The following HACD4 variants were observed in gnomAD, a reference collection of about 807,000 sequenced individuals.
The protein encoded by HACD4 is very-long-chain (3R)-3-hydroxyacyl-CoA dehydratase 4.
HACD4 carries 35 observed loss-of-function variants against 33.3 expected under a neutral mutation model. The observed-to-expected ratio is 1.05, with a 90% CI of 0.80 to 1.39. The LOEUF (loss-of-function observed/expected upper bound fraction) is 1.39. Among genes scored for constraint, HACD4 ranks in the 40% most tolerant of loss-of-function variants. The pLI is 0.00. For missense variants in HACD4, 323 were observed against 276.5 expected (o/e 1.17, Z -1.19); for synonymous variants, 118 against 98.0 (o/e 1.20, Z -1.21).
intron 1 of HACD4, 114 bp downstream of exon 1, chr9:21,031,439 G>A: frequency 7.4e-7 from 1 of 1,343,342 alleles, no homozygotes; most frequent in Non-Finnish European, 9.5e-7. Context: ...CGGTAGCGCT[G>A]CGCCTTGCTG....
chr9:21,013,037 A>AG (rs993685321), intron 4 of HACD4, among the ~76,000 whole-genome samples: 4 of 150,392 alleles, frequency 2.7e-5, no homozygotes, highest in African/African-American at 9.8e-5. Context: ...ACTGGACTCC[A>AG]GCCTGGGTGA....
Position 21,031,594 on chromosome 9 carries a change from C to G in HACD4, c.-4G>C. ...CGGGCAGCGCCAAGGGCCCCATGGG[C>G]CGCCGCCGCCAGGGCTTCCAGCGCG... On this transcript the variant is annotated 5_prime_UTR_variant, in exon 1 of 7. Coordinates refer to ENST00000495827, the MANE Select transcript of HACD4 (RefSeq NM_001010915.5). 7.0e-7 allele frequency: 1 copy of G among 1,430,772 alleles called. No homozygotes were observed. The highest frequency in any genetic ancestry group is 9.1e-7 in the Non-Finnish European group (1 of 1,097,636). The allele number at this position is 1,430,772 out of a possible 1,614,324, so 88.6% of individuals were successfully genotyped here.
At chr9:21,023,484 A>G (rs1817981124) in intron 3 of HACD4, among the ~76,000 whole-genome samples, 1 of 152,158 alleles carries the variant, frequency 6.6e-6, no homozygotes, top group Non-Finnish European at 1.5e-5. Flanking sequence ...TCAACTAGCT[A>G]ATCAGTTCCT....
chr9:21,027,010 T>G (rs1323463280), intron 2 of HACD4, among the ~76,000 whole-genome samples: 1 of 152,184 alleles, frequency 6.6e-6, no homozygotes, highest in Non-Finnish European at 1.5e-5. Context: ...CTTATAAGAT[T>G]ATAAAGCAAT....
chr9:21,021,417 T>A (rs988126107), intron 3 of HACD4, among the ~76,000 whole-genome samples: 2 of 152,064 alleles, frequency 1.3e-5, no homozygotes, highest in African/African-American at 4.8e-5. Flanking sequence ...GGTATTCAAT[T>A]AGGAAAAGAG....
chr9:21,026,450 G>C (rs1818062235), intron 3 of HACD4, 146 bp downstream of exon 3: 5 of 669,440 alleles, frequency 7.5e-6, no homozygotes, highest in Non-Finnish European at 1.3e-5. Context: ...TTTACAATAA[G>C]GTTGTCCTTC....
intron 2 of HACD4, 105 bp from the exon 3 acceptor site, chr9:21,026,828 T>C (rs1818074703): frequency 1.1e-6 from 1 of 897,012 alleles, no homozygotes; most frequent in African/African-American, 1.7e-5. Context: ...CACTTCCTTT[T>C]TCATTGTACA....
intron 3 of HACD4, among the ~76,000 whole-genome samples, chr9:21,023,822 G>A (rs920779715): frequency 4.6e-5 from 7 of 152,044 alleles, no homozygotes; most frequent in African/African-American, 1.7e-4. Context: ...TGATCCGACC[G>A]CCTCAGCCTC....
At position 21,031,598 on chromosome 9, in the gene HACD4, C is replaced by T. The variant is rs1440352162; in HGVS notation, c.-8G>A. ...CAGCGCCAAGGGCCCCATGGGCCGC[C>T]GCCGCCAGGGCTTCCAGCGCGGTCC... On this transcript the variant is annotated 5_prime_UTR_variant, in exon 1 of 7. Coordinates refer to ENST00000495827, the MANE Select transcript of HACD4 (RefSeq NM_001010915.5). 1.4e-6 allele frequency: 2 copies of T among 1,427,676 alleles called. No individual in the cohort carries two copies. Among genetic ancestry groups the T allele is most frequent in the South Asian group, 1.4e-5 (1 of 70,326 alleles). 88.4% of individuals were successfully genotyped at this position (1,427,676 alleles called of 1,614,324 possible). A position where few individuals can be genotyped will look rare whatever the true frequency, so the allele number is the denominator to read the frequency against.
chr9:21,022,206 A>G (rs1817931822), intron 3 of HACD4, among the ~76,000 whole-genome samples: 1 of 152,222 alleles, frequency 6.6e-6, no homozygotes, highest in Non-Finnish European at 1.5e-5. Flanking sequence ...CCTTCCTTAA[A>G]CCTTATACAA....
At position 21,027,299 on chromosome 9, in the gene HACD4, G is replaced by C. The variant is rs190676878; in HGVS notation, c.143-576C>G. On this transcript the variant is annotated intron_variant, in intron 2 of 6. Transcript: ENST00000495827. ...TTGGGCCTCTGATCAGGACTTTTGG[G>C]GTTTGCATTGCAGAGGGTTCACATG... Among the ~76,000 whole-genome samples, 1,331 of 152,204 alleles carry C rather than the reference G, an allele frequency of 8.7e-3. 30 individuals are homozygous for C. Among genetic ancestry groups the C allele is most frequent in the African/African-American group, 0.03 (1,232 of 41,530 alleles).
intron 3 of HACD4, among the ~76,000 whole-genome samples, chr9:21,022,228 C>G (rs10811451): frequency 6.6e-6 from 1 of 151,896 alleles, no homozygotes; most frequent in East Asian, 1.9e-4. Flanking sequence ...AATTAATTCA[C>G]GATGTATTAA....
intron 3 of HACD4, among the ~76,000 whole-genome samples, chr9:21,022,664 T>C (rs1022041093): frequency 9.4e-5 from 14 of 149,224 alleles, no homozygotes; most frequent in Non-Finnish European, 1.6e-4. Flanking sequence ...AAAACCACAA[T>C]GAGATACCAT....
rs1587822251 is a variant in HACD4, at chr9:21,006,142, G to A, written c.*895C>T. Reference sequence around the variant, plus strand: ...AATTTTGTAGGACCAGGTACAGAATGCTATGGAGTGAATCTTTGTGTTCCC... The same window carrying A: ...AATTTTGTAGGACCAGGTACAGAATACTATGGAGTGAATCTTTGTGTTCCC... On this transcript the variant is annotated 3_prime_UTR_variant, in exon 7 of 7. Transcript: ENST00000495827. The surrounding 1 kb of genome is among the most constrained non-coding windows in gnomAD (Gnocchi z 4.6). 1 of 152,192 alleles carries A rather than the reference G, an allele frequency of 6.6e-6. No homozygotes were observed. Among genetic ancestry groups the A allele is most frequent in the African/African-American group, 2.4e-5 (1 of 41,456 alleles). 9.4% of individuals were successfully genotyped at this position (152,192 alleles called of 1,614,324 possible).
chr9:21,005,107 G>C lies in HACD4; in HGVS notation c.*1930C>G, dbSNP rs1207517131. Reference sequence around the variant, plus strand: ...GGAAACTGGAAGAAAGGTGATCTTTGTTATAATATGCCAAAGAACTTGGAT... The same window carrying C: ...GGAAACTGGAAGAAAGGTGATCTTTCTTATAATATGCCAAAGAACTTGGAT... On this transcript the variant is annotated 3_prime_UTR_variant, in exon 7 of 7. Coordinates refer to ENST00000495827, the MANE Select transcript of HACD4 (RefSeq NM_001010915.5). The surrounding 1 kb of genome is among the most constrained non-coding windows in gnomAD (Gnocchi z 4.0). 1 of 152,164 alleles carries C rather than the reference G, an allele frequency of 6.6e-6. No homozygotes were observed. The highest frequency in any genetic ancestry group is 1.5e-5 in the Non-Finnish European group (1 of 68,012). The allele number at this position is 152,164 out of a possible 1,614,324, so 9.4% of individuals were successfully genotyped here.
rs972456727 is a variant in HACD4, at chr9:21,001,189, G to A, written c.*5848C>T. The stretch of plus-strand genomic sequence containing the variant: ...TTTTTAAAGAACCAAAGAGCATGCG[G>A]AAAAAGTCAAAAAACCAATGGATGA... On this transcript the variant is annotated 3_prime_UTR_variant, in exon 7 of 7. Coordinates refer to ENST00000495827, the MANE Select transcript of HACD4 (RefSeq NM_001010915.5). The A allele has an allele frequency of 2.6e-5, 4 of 151,870 alleles. No individual in the cohort carries two copies. Among genetic ancestry groups the A allele is most frequent in the Admixed American group, 6.6e-5 (1 of 15,242 alleles). The allele number at this position is 151,870 out of a possible 1,614,324, so 9.4% of individuals were successfully genotyped here.
At chr9:21,016,782 C>CTT (rs11379547) in intron 3 of HACD4, among the ~76,000 whole-genome samples, 32 of 148,456 alleles carry the variant, frequency 2.2e-4, no homozygotes, top group Non-Finnish European at 2.4e-4. Context: ...AAACTTGTAG[C>CTT]TTTTTTTTTT....
At chr9:21,029,262 G>A in intron 2 of HACD4, 33 bp downstream of exon 2, 1 of 1,248,208 alleles carries the variant, frequency 8.0e-7, no homozygotes. Context: ...AGGATTAAAA[G>A]TTAAAAATAA....
chr9:21,026,865 T>G lies in HACD4; in HGVS notation c.143-142A>C, dbSNP rs1250647788. ...GTGAAAAATTCCTTAAGTAGGCTAC[T>G]AAATTATTAACAATACAATGCAAAC... On this transcript the variant is annotated intron_variant, in intron 2 of 6. Transcript: ENST00000495827. 9.4e-6 allele frequency: 6 copies of G among 638,756 alleles called. No individual in the cohort carries two copies. The Admixed American group carries it at 1.7e-4, about 19-fold the overall frequency. The allele number at this position is 638,756 out of a possible 1,614,324, so 39.6% of individuals were successfully genotyped here. A position where few individuals can be genotyped will look rare whatever the true frequency, so the allele number is the denominator to read the frequency against.
Sources: allele counts gnomAD v4.1 joint callset (sites outside exome capture counted in the v4.1 genomes callset), GRCh38; gene constraint gnomAD v4.1.1; non-coding constraint Gnocchi (gnomAD v3.1); transcripts MANE v1.5; gene names NCBI Gene and HGNC (gene_info 2026-07-23, HGNC 2026-07-21).